SPTBN2: variants seen among roughly 807,000 people sequenced by gnomAD.
The protein encoded by SPTBN2 is spectrin beta, non-erythrocytic 2.
Under a neutral mutation model 284.2 loss-of-function variants are expected in SPTBN2, and 107 were observed. The observed-to-expected ratio is 0.38, with a 90% CI of 0.32 to 0.44. SPTBN2 has a LOEUF of 0.44. SPTBN2 is among the 20% of genes least tolerant of loss of function. SPTBN2 has a pLI of 1.00. For synonymous variants in SPTBN2, 1,289 were observed against 1,354.8 expected (o/e 0.95, Z 1.07); for missense variants, 2,569 against 3,287.1 (o/e 0.78, Z 5.34).
At chr11:66,701,835 T>C in intron 15 of SPTBN2, 114 bp from the exon 16 acceptor site, 1 of 1,441,450 alleles carries the variant, frequency 6.9e-7, no homozygotes. Flanking sequence ...AGGAGGCTTA[T>C]CTGCAGGAGT....
rs753156530 is a variant in SPTBN2, at chr11:66,710,136, G to A, written c.1073+446C>T. 3.3e-5 allele frequency among the ~76,000 whole-genome samples: 5 copies of A among 152,212 alleles called. No individual in the cohort carries two copies. Among genetic ancestry groups the A allele is most frequent in the Non-Finnish European group, 7.3e-5 (5 of 68,042 alleles). On this transcript the variant is annotated intron_variant, in intron 10 of 37. Transcript: ENST00000533211. This position sits in a 1 kb window ranked among gnomAD's most constrained non-coding sequence, Gnocchi z 4.9. ...TGGCTCACTGCAACCTCTGTCTCCC[G>A]GGTTCAGGTGGTTCTCCTGCCTCAG...
In SPTBN2 at chr11:66,708,314, C is replaced by T. The variant is rs774740991; in HGVS notation, c.1192-15G>A. ...CGCTCCCAAGCCTATGGGGTGGGGA[C>T]AGGGTTAGTGGAAGGGACAGGGTGG... On this transcript the variant is annotated splice_polypyrimidine_tract_variant and intron_variant, in intron 11 of 37. Coordinates refer to ENST00000533211, the MANE Select transcript of SPTBN2 (RefSeq NM_006946.4). The surrounding 1 kb of genome is among the most constrained non-coding windows in gnomAD (Gnocchi z 4.4). 5.7e-6 allele frequency: 9 copies of T among 1,576,136 alleles called. No homozygotes were observed. Among genetic ancestry groups the T allele is most frequent in the Non-Finnish European group, 6.9e-6 (8 of 1,157,068 alleles).
chr11:66,700,542 C>A lies in SPTBN2; in HGVS notation c.3557G>T (p.Gly1186Val). The change falls in exon 17 of 38, where the codon GGC (glycine) becomes GTC (valine). Residue 1186 changes from glycine (G) to valine (V), a missense_variant. By Grantham distance (109) the Gly-to-Val change is moderately radical (BLOSUM62 -3). Transcript: ENST00000533211. This position sits in a 1 kb window ranked among gnomAD's most constrained non-coding sequence, Gnocchi z 6.6. Reference protein sequence around the residue: ...GFLRDARQAEGVLSSQEYVLS... With the variant: ...GFLRDARQAEVVLSSQEYVLS... ...GACTTTCACCTGGCTGCTGAGCACG[C>A]CCTCAGCCTGACGAGCATCCCGCAG... The A allele has an allele frequency of 6.2e-7, 1 of 1,605,050 alleles. No homozygotes were observed. Among genetic ancestry groups the A allele is most frequent in the Non-Finnish European group, 8.5e-7 (1 of 1,179,974 alleles).
chr11:66,739,102 G>A lies in SPTBN2; in HGVS notation c.-475+5440C>T, dbSNP rs941426519. 5.3e-5 allele frequency among the ~76,000 whole-genome samples: 8 copies of A among 151,672 alleles called. No homozygotes were observed. The South Asian group carries it at 6.3e-4, about 12-fold the overall frequency. On this transcript the variant is annotated intron_variant, in intron 1 of 37. Coordinates refer to the SPTBN2 transcript ENST00000611817. ...GATTACAGGCGTGAGCCAACGTGCC[G>A]GGCCTAAGTTTTAATTTTTTTAAAG... is the stretch of plus-strand genomic sequence containing the variant.
rs1323006909 is a variant in SPTBN2, at chr11:66,687,252, T to C, written c.6723-85A>G. On this transcript the variant is annotated intron_variant, in intron 35 of 37. Transcript: ENST00000533211. This position sits in a 1 kb window ranked among gnomAD's most constrained non-coding sequence, Gnocchi z 5.2. ...TTGGGTGTCCTAGGACTTCCAGTTC[T>C]GCTCCCATCTTTAGGCCACGGTCTT... 6.9e-6 allele frequency: 11 copies of C among 1,586,364 alleles called. No homozygotes were observed. Among genetic ancestry groups the C allele is most frequent in the African/African-American group, 1.3e-5 (1 of 74,498 alleles).
At chr11:66,724,838 C>T (rs1480199175) in intron 1 of SPTBN2, among the ~76,000 whole-genome samples, 1 of 152,244 alleles carries the variant, frequency 6.6e-6, no homozygotes, top group Non-Finnish European at 1.5e-5. Flanking sequence ...CATCACTTCT[C>T]TCTTCTCCAT....
chr11:66,740,502 G>A (rs532994234), intron 1 of SPTBN2, among the ~76,000 whole-genome samples: 1 of 152,272 alleles, frequency 6.6e-6, no homozygotes, highest in African/African-American at 2.4e-5. Context: ...GAGTGGTGAA[G>A]CTGCCCCAGA....
Position 66,696,374 on chromosome 11 carries a change from G to A in SPTBN2, c.4181C>T (p.Ala1394Val). 1 of 1,613,332 alleles carries A rather than the reference G, an allele frequency of 6.2e-7. No homozygotes were observed. The highest frequency in any genetic ancestry group is 8.5e-7 in the Non-Finnish European group (1 of 1,180,026). ...RAELFAQSCCALESWLESLQA... is the reference protein window; with the variant it reads ...RAELFAQSCCVLESWLESLQA... ...CAGGCTCTCCAGCCAGCTCTCCAGG[G>A]CACAGCAGCTCTGGGCAAACAGCTC... The change falls in exon 21 of 38, where the codon GCC (alanine) becomes GTC (valine). Residue 1394 changes from alanine to valine, a missense_variant. Ala to Val is a moderately conservative substitution (Grantham distance 64, BLOSUM62 0). Transcript: ENST00000533211.
At position 66,701,680 on chromosome 11, in the gene SPTBN2, T is replaced by C. The variant is rs1206467913; in HGVS notation, c.2720A>G (p.Gln907Arg). ...LEPEMNTLAA[Q>R]ITAVNDIAEQ... ...GGCAATGTCATTCACCGCGGTGATT[T>C]GTGCTGCAAGGGTGTTCATTTCAGG... Residue 907 changes from glutamine to arginine, a missense_variant, in exon 16 of 38, where the codon CAA (glutamine) becomes CGA (arginine). By Grantham distance (43) the Gln-to-Arg change is conservative. Around this residue, in one of 6 missense-constraint regions of SPTBN2, gnomAD observed 1,012 missense variants for 1,248.9 expected, o/e 0.81. Transcript: ENST00000533211. The C allele has an allele frequency of 1.2e-6, 2 of 1,614,032 alleles. No homozygotes were observed. The highest frequency in any genetic ancestry group is 1.7e-6 in the Non-Finnish European group (2 of 1,180,016).
intron 3 of SPTBN2, 98 bp downstream of exon 3, chr11:66,720,986 A>T (rs1942376680): frequency 1.3e-6 from 2 of 1,538,114 alleles, no homozygotes; most frequent in Non-Finnish European, 1.8e-6. Flanking sequence ...CCACTTAGAA[A>T]GAAAAGTCAG....
intron 16 of SPTBN2, 106 bp from the exon 17 acceptor site, chr11:66,701,388 T>C: frequency 6.5e-7 from 1 of 1,540,300 alleles, no homozygotes; most frequent in African/African-American, 1.4e-5. Flanking sequence ...CCTCCCTTTC[T>C]GGCCAGCAGC....
chr11:66,693,519 C>A lies in SPTBN2; in HGVS notation c.4594-73G>T. 2.6e-6 allele frequency: 4 copies of A among 1,545,090 alleles called. No individual in the cohort carries two copies. The highest frequency in any genetic ancestry group is 3.5e-6 in the Non-Finnish European group (4 of 1,152,462). ...CCACGTGCTCCCGGAGACCACCCTT[C>A]ACCCCTGTGCCTCTCTCCTTCCTGG... On this transcript the variant is annotated intron_variant, in intron 23 of 37. Transcript: ENST00000533211. This position sits in a 1 kb window ranked among gnomAD's most constrained non-coding sequence, Gnocchi z 5.7.
At chr11:66,703,901 C>G (rs2135434715) in intron 15 of SPTBN2, among the ~76,000 whole-genome samples, 1 of 151,322 alleles carries the variant, frequency 6.6e-6, no homozygotes. Flanking sequence ...AAAGCCTCAG[C>G]TATTTTAAGT....
rs1277425989 is a variant in SPTBN2, at chr11:66,684,458, A to AC, written c.*1412dup. On this transcript the variant is annotated 3_prime_UTR_variant, in exon 38 of 38. Coordinates refer to ENST00000533211, the MANE Select transcript of SPTBN2 (RefSeq NM_006946.4). ...AGACCGACCTGGGCAACATAGTGAG[A>AC]CCCCGTCTCTACAAAAAACAAACAG... 6.6e-6 allele frequency among the ~76,000 whole-genome samples: 1 copy of AC among 152,030 alleles called. No individual in the cohort carries two copies. The highest frequency in any genetic ancestry group is 6.6e-5 in the Admixed American group (1 of 15,240).
chr11:66,692,469 T>C, intron 26 of SPTBN2, 67 bp downstream of exon 26: 1 of 1,576,720 alleles, frequency 6.3e-7, no homozygotes, highest in Non-Finnish European at 8.6e-7. Context: ...GACTAGGTCC[T>C]AGTCTCCCTG....
In SPTBN2 at chr11:66,684,799, A is replaced by T. The variant is rs1041520538; in HGVS notation, c.*1072T>A. Among the ~76,000 whole-genome samples the T allele has an allele frequency of 5.9e-5, 9 of 152,070 alleles. No homozygotes were observed. Among genetic ancestry groups the T allele is most frequent in the African/African-American group, 2.2e-4 (9 of 41,390 alleles). On this transcript the variant is annotated 3_prime_UTR_variant, in exon 38 of 38. Coordinates refer to ENST00000533211, the MANE Select transcript of SPTBN2 (RefSeq NM_006946.4). ...TGTCTGAGGTCCCTTGATCTACTGG[A>T]GAGCAGACGGCAAGTGGGGGCAGTA...
intron 20 of SPTBN2, among the ~76,000 whole-genome samples, 160 bp from the exon 21 acceptor site, chr11:66,696,700 A>G (rs1014581784): frequency 6.6e-6 from 1 of 152,132 alleles, no homozygotes; most frequent in African/African-American, 2.4e-5. Context: ...GGAGGTTTAA[A>G]ATCCCTTCTA....
At chr11:66,713,602 A>G (rs766046640) in intron 8 of SPTBN2, 29 bp downstream of exon 8, 27 of 1,584,382 alleles carry the variant, frequency 1.7e-5, no homozygotes, top group Non-Finnish European at 2.3e-5. Flanking sequence ...CTACCCTACC[A>G]CCTCTTTTTC....
rs1351501262 is a variant in SPTBN2 at position 66,687,796 on chromosome 11, C to T, written c.6501+72G>A. 6.9e-6 allele frequency: 11 copies of T among 1,603,552 alleles called. No homozygotes were observed. The highest frequency in any genetic ancestry group is 9.4e-6 in the Non-Finnish European group (11 of 1,170,596). On this transcript the variant is annotated intron_variant, in intron 34 of 37. Coordinates refer to ENST00000533211, the MANE Select transcript of SPTBN2 (RefSeq NM_006946.4). The surrounding 1 kb of genome is among the most constrained non-coding windows in gnomAD (Gnocchi z 5.2). ...TCCCATCCCATCCCCAGTACTCCCC[C>T]ACCCGCACTCACCACCCCCTCTGGA...
Sources: gnomAD v4.1 joint callset for allele counts (sites outside exome capture counted in the v4.1 genomes callset) on GRCh38, gnomAD v4.1.1 for gene constraint, gnomAD v4.1.1 regional missense constraint, Gnocchi (gnomAD v3.1) non-coding constraint, MANE v1.5 for transcripts, NCBI Gene and HGNC (gene_info 2026-07-23, HGNC 2026-07-21) for gene names.